The following CLSTN2 variants were observed in gnomAD, a reference collection of about 807,000 sequenced individuals.
CLSTN2 encodes the protein calsyntenin 2.
A neutral mutation model predicts 101.2 loss-of-function variants in CLSTN2; 48 were observed. That is an observed-to-expected ratio of 0.47 (90% CI 0.38 to 0.60). The LOEUF (loss-of-function observed/expected upper bound fraction) is 0.60. Among genes scored for constraint, CLSTN2 ranks in the 20% least tolerant of loss-of-function variants. The probability of loss-of-function intolerance (pLI) is 0.00; values close to 1 mark genes in which losing one functional copy is unlikely to be tolerated. For missense variants in CLSTN2, 1,160 were observed against 1,238.2 expected (o/e 0.94, Z 0.95); for synonymous variants, 481 against 463.6 (o/e 1.04, Z -0.48).
Position 140,425,068 on chromosome 3 carries a change from T to G in CLSTN2, c.787+3794T>G, listed in dbSNP as rs534283227. ...AACTGGAGTAACCAAGCAAATGCAC[T>G]TTGGCAGTTTGAATTCTGGTACCTG... On this transcript the variant is annotated intron_variant, in intron 5 of 16. Transcript: ENST00000458420. 5.9e-5 allele frequency among the ~76,000 whole-genome samples: 9 copies of G among 152,344 alleles called. No individual in the cohort carries two copies. The South Asian group carries it at 1.7e-3, about 28-fold the overall frequency.
chr3:140,305,800 T>C (rs892813718), intron 2 of CLSTN2, among the ~76,000 whole-genome samples: 7 of 152,028 alleles, frequency 4.6e-5, no homozygotes, highest in Non-Finnish European at 8.8e-5. Flanking sequence ...GTATGTACAG[T>C]CTGATCATGA....
At chr3:140,134,948 T>C (rs537361638) in intron 1 of CLSTN2, among the ~76,000 whole-genome samples, 1 of 151,786 alleles carries the variant, frequency 6.6e-6, no homozygotes, top group East Asian at 1.9e-4. Flanking sequence ...ATGAACATTT[T>C]AGAATATAGA....
intron 8 of CLSTN2, among the ~76,000 whole-genome samples, chr3:140,503,486 A>G (rs1160834038): frequency 1.3e-5 from 2 of 152,286 alleles, no homozygotes; most frequent in East Asian, 3.9e-4. Context: ...GTAGTGGGCT[A>G]TGCCGTCTAG....
At chr3:140,302,456 T>A (rs767622950) in intron 2 of CLSTN2, among the ~76,000 whole-genome samples, 10 of 152,242 alleles carry the variant, frequency 6.6e-5, no homozygotes, top group Non-Finnish European at 1.2e-4. Context: ...TTGCTATTAA[T>A]GAAAAGAAAT....
intron 1 of CLSTN2, among the ~76,000 whole-genome samples, chr3:140,143,502 T>A (rs934747909): frequency 2.0e-5 from 3 of 152,222 alleles, no homozygotes; most frequent in Non-Finnish European, 4.4e-5. Context: ...TTATTCAGTA[T>A]ACTGATTCAA....
At chr3:140,379,611 TA>T (rs963303395) in intron 2 of CLSTN2, among the ~76,000 whole-genome samples, 1 of 152,188 alleles carries the variant, frequency 6.6e-6, no homozygotes, top group African/African-American at 2.4e-5. Flanking sequence ...CATTCTAAAG[TA>T]AAATAGCAAA....
At chr3:139,996,538 C>T (rs2107745424) in intron 1 of CLSTN2, among the ~76,000 whole-genome samples, 1 of 152,256 alleles carries the variant, frequency 6.6e-6, no homozygotes, top group Admixed American at 6.5e-5. Context: ...AGGTGCCTGC[C>T]ACCATCAAAG....
chr3:140,348,198 C>T (rs554011881), intron 2 of CLSTN2, among the ~76,000 whole-genome samples: 4 of 152,292 alleles, frequency 2.6e-5, no homozygotes, highest in South Asian at 4.1e-4. Flanking sequence ...GGCTCTACTT[C>T]TTTGGATTCA....
chr3:140,480,650 AGATGGTATCTCACT>A (rs1318858423), intron 8 of CLSTN2, among the ~76,000 whole-genome samples: 3 of 152,154 alleles, frequency 2.0e-5, no homozygotes, highest in African/African-American at 7.2e-5. Flanking sequence ...CACTGGTGTG[AGATGGTATCTCACT>A]GAGGTTTTGA....
intron 2 of CLSTN2, among the ~76,000 whole-genome samples, chr3:140,303,415 G>A (rs769616654): frequency 2.0e-5 from 3 of 152,142 alleles, no homozygotes; most frequent in East Asian, 1.9e-4. Context: ...CCAGCTCTGC[G>A]TCTGCCCAAG....
At chr3:139,960,876 G>A (rs16849604) in intron 1 of CLSTN2, among the ~76,000 whole-genome samples, 1 of 152,172 alleles carries the variant, frequency 6.6e-6, no homozygotes, top group Non-Finnish European at 1.5e-5. Context: ...TGTTTAGAGG[G>A]TTACATCTTT....
At chr3:140,451,004 C>G (rs1342208075) in intron 6 of CLSTN2, among the ~76,000 whole-genome samples, 3 of 152,134 alleles carry the variant, frequency 2.0e-5, no homozygotes. Flanking sequence ...AGAAAACCAC[C>G]TCCAGTCCTC....
intron 1 of CLSTN2, among the ~76,000 whole-genome samples, chr3:139,966,728 A>G (rs1049784652): frequency 2.0e-5 from 3 of 152,196 alleles, no homozygotes; most frequent in African/African-American, 7.2e-5. Flanking sequence ...AACTGTTGCA[A>G]TCCTCAGAGG....
At position 139,935,396 on chromosome 3, in the gene CLSTN2, T is replaced by G; in HGVS notation, c.22T>G (p.Trp8Gly). 1 of 1,229,164 alleles carries G rather than the reference T, an allele frequency of 8.1e-7. No individual in the cohort carries two copies. Among genetic ancestry groups the G allele is most frequent in the South Asian group, 4.1e-5 (1 of 24,212 alleles). 76.1% of individuals were successfully genotyped at this position (1,229,164 alleles called of 1,614,324 possible). The change falls in exon 1 of 17, where the codon TGG (tryptophan) becomes GGG (glycine). Residue 8 changes from tryptophan to glycine, a missense_variant. By Grantham distance (184) the Trp-to-Gly change is radical (BLOSUM62 -2). Transcript: ENST00000458420. The surrounding 1 kb of genome is among the most constrained non-coding windows in gnomAD (Gnocchi z 5.5). Reference sequence around the variant, plus strand: ...GAGGATGCTGCCTGGGCGGCTGTGCTGGGTGCCGCTCCTGCTGGCGCTGGG... The same window carrying G: ...GAGGATGCTGCCTGGGCGGCTGTGCGGGGTGCCGCTCCTGCTGGCGCTGGG... Reference protein sequence around the residue: MLPGRLCWVPLLLALGVG... With the variant: MLPGRLCGVPLLLALGVG...
intron 2 of CLSTN2, among the ~76,000 whole-genome samples, chr3:140,241,675 A>G (rs1338527856): frequency 6.6e-6 from 1 of 151,902 alleles, no homozygotes. Context: ...CTGGGGATAT[A>G]CTAGAGGACA....
chr3:140,398,372 C>G (rs2088205306), intron 2 of CLSTN2, among the ~76,000 whole-genome samples: 1 of 152,190 alleles, frequency 6.6e-6, no homozygotes, highest in East Asian at 1.9e-4. Context: ...TTTTCCCCTA[C>G]ATGTATGCTT....
chr3:140,529,345 G>A (rs945574255), intron 8 of CLSTN2, among the ~76,000 whole-genome samples: 4 of 152,222 alleles, frequency 2.6e-5, no homozygotes, highest in African/African-American at 9.6e-5. Flanking sequence ...GACTAGGCAA[G>A]GCCTCAGGCA....
In CLSTN2 at chr3:140,217,978, A is replaced by G. The variant is rs1256159320; in HGVS notation, c.232+41905A>G. Among the ~76,000 whole-genome samples the G allele has an allele frequency of 3.9e-5, 6 of 152,208 alleles. No homozygotes were observed. The East Asian group carries it at 9.6e-4, about 24-fold the overall frequency. ...TATCCCCACTCAAAACCTTAATTTG[A>G]TGACTCAATATACATGAACTGATCC... On this transcript the variant is annotated intron_variant, in intron 2 of 16. Transcript: ENST00000458420.
chr3:140,219,583 C>A (rs9815072), intron 2 of CLSTN2, among the ~76,000 whole-genome samples: 44,594 of 152,114 alleles, frequency 0.29, 7,557 homozygotes, highest in Middle Eastern at 0.39. Flanking sequence ...GTGTATCTTG[C>A]TGTCCTAGAG....
Sources: gnomAD v4.1 joint callset for allele counts (sites outside exome capture counted in the v4.1 genomes callset) on GRCh38, gnomAD v4.1.1 for gene constraint, Gnocchi (gnomAD v3.1) non-coding constraint, MANE v1.5 for transcripts, NCBI Gene and HGNC (gene_info 2026-07-23, HGNC 2026-07-21) for gene names.